The following ARHGAP26 variants were observed in gnomAD, a reference collection of about 807,000 sequenced individuals.
The protein encoded by ARHGAP26 is rho GTPase-activating protein 26.
In ARHGAP26, 38 loss-of-function variants were observed where a neutral mutation model predicts 104.8. That is an observed-to-expected ratio of 0.36 (90% CI 0.28 to 0.48). The LOEUF is 0.48. ARHGAP26 is among the 20% of genes least tolerant of loss of function. The pLI, the probability that ARHGAP26 is intolerant of heterozygous loss-of-function variation, is 0.99. For synonymous variants in ARHGAP26, 341 were observed against 340.0 expected (o/e 1.00, Z -0.03); for missense variants, 704 against 947.9 (o/e 0.74, Z 3.38).
chr5:143,014,196 A>C (rs1779277672), intron 12 of ARHGAP26, 80 bp downstream of exon 12: 1 of 1,527,232 alleles, frequency 6.5e-7, no homozygotes, highest in African/African-American at 1.4e-5. Flanking sequence ...GGTGTGAACC[A>C]CCAGGCGGTG....
intron 11 of ARHGAP26, among the ~76,000 whole-genome samples, chr5:142,959,630 A>G (rs145453074): frequency 8.5e-5 from 13 of 152,324 alleles, no homozygotes; most frequent in African/African-American, 2.9e-4. Flanking sequence ...AATCCACCCT[A>G]TGCTTCACAT....
intron 10 of ARHGAP26, among the ~76,000 whole-genome samples, chr5:142,923,918 G>A (rs1158535592): frequency 2.2e-5 from 3 of 135,364 alleles, no homozygotes; most frequent in Non-Finnish European, 3.0e-5. Flanking sequence ...CTGGAGTGCA[G>A]TGGCGCAATC....
intron 1 of ARHGAP26, among the ~76,000 whole-genome samples, chr5:142,802,541 T>A (rs1205839120): frequency 6.6e-6 from 1 of 152,228 alleles, no homozygotes; most frequent in Non-Finnish European, 1.5e-5. Context: ...TTGTTATGTG[T>A]TGTTTTACTT....
At chr5:143,188,288 C>T (rs1805441164) in intron 20 of ARHGAP26, among the ~76,000 whole-genome samples, 1 of 152,164 alleles carries the variant, frequency 6.6e-6, no homozygotes, top group Admixed American at 6.5e-5. Flanking sequence ...ATCAGTGGTT[C>T]CCATCTCTGG....
intron 1 of ARHGAP26, among the ~76,000 whole-genome samples, chr5:142,859,283 G>T (rs1752915272): frequency 6.6e-6 from 1 of 152,168 alleles, no homozygotes; most frequent in Non-Finnish European, 1.5e-5. Context: ...TTGGAGGAGA[G>T]GAGAGCTAAT....
intron 1 of ARHGAP26, among the ~76,000 whole-genome samples, chr5:142,788,137 A>C (rs777135827): frequency 6.6e-6 from 1 of 151,664 alleles, no homozygotes; most frequent in Non-Finnish European, 1.5e-5. Context: ...AGTAGCTAGG[A>C]TTACAGGCAC....
At chr5:143,143,587 C>T (rs755604832) in intron 19 of ARHGAP26, among the ~76,000 whole-genome samples, 2 of 152,210 alleles carry the variant, frequency 1.3e-5, no homozygotes, top group African/African-American at 4.8e-5. Flanking sequence ...CTGTCTAAAG[C>T]ACCTGAAAAA....
chr5:143,193,605 C>T (rs1410288942), intron 20 of ARHGAP26, among the ~76,000 whole-genome samples: 1 of 152,008 alleles, frequency 6.6e-6, no homozygotes, highest in Non-Finnish European at 1.5e-5. Context: ...CCCCAAAGTC[C>T]AAGAGTGGTA....
chr5:142,947,095 T>TTAAAAAAAAAA (rs1491383996), intron 11 of ARHGAP26: 32 of 70,670 alleles, frequency 4.5e-4, no homozygotes, highest in African/African-American at 1.6e-3. Context: ...TTTTTAAAAG[T>TTAAAAAAAAAA]AAAAAAAAAA....
In ARHGAP26 at chr5:142,988,786, T is replaced by C. The variant is rs188652763; in HGVS notation, c.1108-25294T>C. Among the ~76,000 whole-genome samples, 337 of 152,378 alleles carry C rather than the reference T, an allele frequency of 2.2e-3. 1 individual carries two copies. Among genetic ancestry groups the C allele is most frequent in the African/African-American group, 7.8e-3 (324 of 41,594 alleles). The stretch of plus-strand genomic sequence containing the variant: ...TCAGGAGCAGGTTGTTCAGTTTCCC[T>C]GTAGTTGAGCGGTTTTGAGTGAGTT... On this transcript the variant is annotated intron_variant, in intron 11 of 22. Transcript: ENST00000645722.
intron 12 of ARHGAP26, 39 bp from the exon 13 acceptor site, chr5:143,037,157 A>G (rs1414469956): frequency 6.4e-6 from 10 of 1,563,582 alleles, no homozygotes; most frequent in Non-Finnish European, 7.9e-6. Flanking sequence ...GTTGATTTCC[A>G]TGGCTAGCAA....
intron 1 of ARHGAP26, among the ~76,000 whole-genome samples, chr5:142,844,085 T>C (rs910191696): frequency 2.7e-5 from 4 of 149,728 alleles, no homozygotes; most frequent in Non-Finnish European, 4.4e-5. Flanking sequence ...AGAGTCTTGC[T>C]CTATTCCCCA....
chr5:142,771,100 G>A, intron 1 of ARHGAP26, 185 bp downstream of exon 1: 1 of 1,331,458 alleles, frequency 7.5e-7, no homozygotes, highest in Non-Finnish European at 9.7e-7. Context: ...CAGATGAAGA[G>A]AGAGACCCGT....
intron 1 of ARHGAP26, among the ~76,000 whole-genome samples, chr5:142,836,417 A>G (rs1769579177): frequency 6.6e-6 from 1 of 152,256 alleles, no homozygotes; most frequent in Admixed American, 6.5e-5. Flanking sequence ...TCTGTAAGGC[A>G]GGAGCTCAAA....
chr5:143,134,833 G>C (rs1247600088), intron 19 of ARHGAP26, among the ~76,000 whole-genome samples: 1 of 152,262 alleles, frequency 6.6e-6, no homozygotes. Flanking sequence ...CTCATAGGAA[G>C]TTATGCGAAT....
chr5:142,936,323 T>G (rs550023244), intron 11 of ARHGAP26, among the ~76,000 whole-genome samples: 25 of 152,190 alleles, frequency 1.6e-4, no homozygotes, highest in Non-Finnish European at 3.5e-4. Context: ...TAAATCTAAT[T>G]AAGCATGTAG....
intron 17 of ARHGAP26, among the ~76,000 whole-genome samples, chr5:143,093,262 C>T (rs1055355413): frequency 7.2e-5 from 11 of 151,876 alleles, no homozygotes; most frequent in Non-Finnish European, 1.0e-4. Flanking sequence ...AAGCAGTTGC[C>T]GCTACAGGTT....
At chr5:142,994,477 G>C (rs1776093781) in intron 11 of ARHGAP26, among the ~76,000 whole-genome samples, 1 of 152,204 alleles carries the variant, frequency 6.6e-6, no homozygotes, top group South Asian at 2.1e-4. Context: ...TTGAGCAGAA[G>C]TGATTTCAGA....
intron 6 of ARHGAP26, among the ~76,000 whole-genome samples, chr5:142,900,563 C>T (rs896269350): frequency 2.7e-5 from 3 of 110,664 alleles, no homozygotes; most frequent in Non-Finnish European, 4.9e-5. Context: ...GTGCTATATA[C>T]TTTTGTGCTT....
Sources: gnomAD v4.1 joint callset for allele counts (sites outside exome capture counted in the v4.1 genomes callset) on GRCh38, gnomAD v4.1.1 for gene constraint, MANE v1.5 for transcripts, NCBI Gene and HGNC (gene_info 2026-07-23, HGNC 2026-07-21) for gene names.